Variants in DIAPH3 observed in about 807,000 individuals in gnomAD.
The protein encoded by DIAPH3 is protein diaphanous homolog 3.
DIAPH3 carries 117 observed loss-of-function variants against 144.3 expected under a neutral mutation model. The ratio of observed to expected loss-of-function variants is 0.81; its 90% CI spans 0.70 to 0.95. The LOEUF (loss-of-function observed/expected upper bound fraction) is 0.95, where lower values mean the gene tolerates loss of function less well. DIAPH3 is among the 40% of genes least tolerant of loss of function. The pLI is 0.00. For synonymous variants in DIAPH3, 519 were observed against 488.9 expected (o/e 1.06, Z -0.81); for missense variants, 1,421 against 1,412.7 (o/e 1.01, Z -0.09).
chr13:59,805,313 G>T (rs341530), intron 25 of DIAPH3, among the ~76,000 whole-genome samples: 101,977 of 151,810 alleles, frequency 0.67, 34,625 homozygotes, highest in Admixed American at 0.75. Context: ...AATTCTGTTA[G>T]CAAATGCCCT....
chr13:59,991,832 A>G (rs1006501763), intron 11 of DIAPH3, among the ~76,000 whole-genome samples: 2 of 152,050 alleles, frequency 1.3e-5, no homozygotes, highest in Non-Finnish European at 2.9e-5. Context: ...AATAGATTGC[A>G]CACATACATA....
intron 27 of DIAPH3, among the ~76,000 whole-genome samples, chr13:59,699,882 T>G (rs1158699781): frequency 6.6e-6 from 1 of 152,208 alleles, no homozygotes; most frequent in African/African-American, 2.4e-5. Context: ...TCTCCCTTGG[T>G]CAACCTTAAA....
At chr13:59,881,151 AATATAT>A (rs2140065990) in intron 20 of DIAPH3, among the ~76,000 whole-genome samples, 1 of 151,446 alleles carries the variant, frequency 6.6e-6, no homozygotes, top group East Asian at 1.9e-4. Context: ...TTTGTCTTAA[AATATAT>A]TATATTTTAA....
intron 1 of DIAPH3, among the ~76,000 whole-genome samples, chr13:60,138,197 CTAGAT>C (rs553705324): frequency 1.8e-3 from 268 of 152,266 alleles, no homozygotes; most frequent in African/African-American, 6.0e-3. Flanking sequence ...CTCTGAAAAG[CTAGAT>C]TAGAGGGCCT....
intron 27 of DIAPH3, among the ~76,000 whole-genome samples, chr13:59,751,675 G>A (rs1478320816): frequency 6.6e-6 from 1 of 152,190 alleles, no homozygotes; most frequent in East Asian, 1.9e-4. Flanking sequence ...TTTTATATTA[G>A]GAGCTACAAT....
intron 14 of DIAPH3, among the ~76,000 whole-genome samples, chr13:59,980,419 C>A (rs1288373507): frequency 6.6e-6 from 1 of 151,480 alleles, no homozygotes; most frequent in Non-Finnish European, 1.5e-5. Flanking sequence ...CAAAAAGGAT[C>A]TTTTTAGTTC....
intron 4 of DIAPH3, among the ~76,000 whole-genome samples, chr13:60,043,429 G>C (rs1395102029): frequency 6.6e-6 from 1 of 152,250 alleles, no homozygotes; most frequent in African/African-American, 2.4e-5. Context: ...CATCTTCCTG[G>C]TTTTTCTTTT....
intron 20 of DIAPH3, among the ~76,000 whole-genome samples, chr13:59,881,385 C>T (rs894385308): frequency 2.0e-5 from 3 of 152,018 alleles, no homozygotes; most frequent in Admixed American, 1.3e-4. Flanking sequence ...CAGTAAGTGC[C>T]ATTATTCATG....
At chr13:60,107,684 A>G (rs138665055) in intron 3 of DIAPH3, among the ~76,000 whole-genome samples, 2 of 152,202 alleles carry the variant, frequency 1.3e-5, no homozygotes, top group East Asian at 3.8e-4. Context: ...TTTCTCCTAC[A>G]TTACAAAAAA....
At chr13:59,957,765 A>G (rs1449820432) in intron 17 of DIAPH3, among the ~76,000 whole-genome samples, 1 of 152,214 alleles carries the variant, frequency 6.6e-6, no homozygotes, top group African/African-American at 2.4e-5. Flanking sequence ...TATTCAGAAA[A>G]AGCCTAACTT....
chr13:60,103,085 A>G (rs996706750), intron 3 of DIAPH3, among the ~76,000 whole-genome samples: 8 of 152,110 alleles, frequency 5.3e-5, no homozygotes, highest in African/African-American at 1.7e-4. Flanking sequence ...TAGGGACCCT[A>G]ACTCCCTACT....
At chr13:59,954,352 C>T (rs1259615022) in intron 17 of DIAPH3, among the ~76,000 whole-genome samples, 1 of 152,104 alleles carries the variant, frequency 6.6e-6, no homozygotes, top group Admixed American at 6.6e-5. Flanking sequence ...AAGTTACTTC[C>T]TTTATCTCAT....
chr13:60,142,091 A>G lies in DIAPH3; in HGVS notation c.181-9102T>C, dbSNP rs1287588579. 2.6e-5 allele frequency among the ~76,000 whole-genome samples: 4 copies of G among 152,354 alleles called. 1 individual carries two copies. In the Middle Eastern group the frequency reaches 0.014, roughly 518 times the overall value. The stretch of plus-strand genomic sequence containing the variant: ...TCAGTGAGAGGGAAGGAGGAGGCAG[A>G]TCAGTCCCAGACCATTTCAAAGACG... On this transcript the variant is annotated intron_variant, in intron 1 of 27. Coordinates refer to ENST00000400324, the MANE Select transcript of DIAPH3 (RefSeq NM_001042517.2).
chr13:59,991,139 G>T lies in DIAPH3; in HGVS notation c.1361+19C>A. 6.9e-7 allele frequency: 1 copy of T among 1,458,034 alleles called. No homozygotes were observed. The highest frequency in any genetic ancestry group is 1.1e-5 in the South Asian group (1 of 87,018). The allele number at this position is 1,458,034 out of a possible 1,614,324, so 90.3% of individuals were successfully genotyped here. A position where few individuals can be genotyped will look rare whatever the true frequency, so the allele number is the denominator to read the frequency against. ...TTTTTATTAGTGAAAGAAAACATTA[G>T]AATACAACTTCCTCTTACCTTATAA... On this transcript the variant is annotated intron_variant, in intron 12 of 27. Transcript: ENST00000400324.
chr13:60,071,076 G>C lies in DIAPH3; in HGVS notation c.495+22552C>G, dbSNP rs576871122. 3.3e-5 allele frequency among the ~76,000 whole-genome samples: 5 copies of C among 152,174 alleles called. No homozygotes were observed. The South Asian group carries it at 1.0e-3, about 32-fold the overall frequency. On this transcript the variant is annotated intron_variant, in intron 4 of 27. Transcript: ENST00000400324. ...TATTCTCACTTCCACTCACCCAAAA[G>C]TTATGGATACAATGGCTAATACTTA... is the stretch of plus-strand genomic sequence containing the variant.
At chr13:59,836,807 T>C (rs1033168712) in intron 23 of DIAPH3, among the ~76,000 whole-genome samples, 1 of 152,104 alleles carries the variant, frequency 6.6e-6, no homozygotes, top group Admixed American at 6.6e-5. Context: ...CCTCGATGAA[T>C]AAGCATTTCA....
intron 27 of DIAPH3, among the ~76,000 whole-genome samples, chr13:59,681,746 A>G (rs1042722612): frequency 1.1e-4 from 17 of 152,138 alleles, no homozygotes; most frequent in Admixed American, 7.9e-4. Context: ...TGATTTTTAT[A>G]CTCTCTAATT....
At chr13:60,064,173 T>G (rs547452334) in intron 4 of DIAPH3, among the ~76,000 whole-genome samples, 1 of 152,116 alleles carries the variant, frequency 6.6e-6, no homozygotes, top group East Asian at 1.9e-4. Flanking sequence ...GGCCCTAGGA[T>G]TTTTGGAATG....
At chr13:59,802,664 ATTATTTTTTTTTTTT>A (rs1334663614) in intron 25 of DIAPH3, among the ~76,000 whole-genome samples, 1 of 32,538 alleles carries the variant, frequency 3.1e-5, no homozygotes, top group African/African-American at 1.1e-4. Context: ...TATTATTATT[ATTATTTTTTTTTTTT>A]TTTTTTTTTT....
Sources: allele counts gnomAD v4.1 joint callset (sites outside exome capture counted in the v4.1 genomes callset), GRCh38; gene constraint gnomAD v4.1.1; transcripts MANE v1.5; gene names NCBI Gene and HGNC (gene_info 2026-07-23, HGNC 2026-07-21).